KMT2D: variants seen among roughly 807,000 people sequenced by gnomAD.
KMT2D encodes the protein lysine methyltransferase 2D.
In KMT2D, 55 loss-of-function variants were observed where a neutral mutation model predicts 512.7. The ratio of observed to expected loss-of-function variants is 0.11; its 90% CI spans 0.09 to 0.13. KMT2D has a LOEUF of 0.13. Ranked by LOEUF, KMT2D falls within the 10% of genes least tolerant of loss-of-function variation. The pLI is 1.00. For missense variants in KMT2D, 6,061 were observed against 7,127.9 expected, an observed-to-expected ratio of 0.85 and a Z score of 5.39; for synonymous variants, 2,995 against 2,904.0, an observed-to-expected ratio of 1.03 and a Z score of -1.01.
intron 12 of KMT2D, 108 bp from the exon 13 acceptor site, chr12:49,049,326 A>G (rs1207473071): frequency 1.3e-5 from 9 of 711,702 alleles, no homozygotes; most frequent in Admixed American, 1.2e-4. Context: ...ACAGGTAATA[A>G]GCCCAGGAGT....
In KMT2D at chr12:49,051,793, A is replaced by C. The variant is rs1565819020; in HGVS notation, c.1890T>G (p.Pro630=). ...GTGGTGGGGACATAGGCGAGTCCTC[A>C]GGTGGTGGGGACAGGCGTGATGCCT... ...PPEASRLSPP[P]EDSPMSPPPE... The change falls in exon 11 of 55, where the codon CCT becomes CCG. Residue 630 remains proline (P), a synonymous_variant. Coordinates refer to ENST00000301067, the MANE Select transcript of KMT2D (RefSeq NM_003482.4). The C allele has an allele frequency of 6.2e-7, 1 of 1,610,548 alleles. No homozygotes were observed. The highest frequency in any genetic ancestry group is 2.2e-5 in the East Asian group (1 of 44,722).
rs2137714842 is a variant in KMT2D, at chr12:49,026,227, C to T, written c.15739G>A (p.Glu5247Lys). The change falls in exon 49 of 55, where the codon GAG (glutamate) becomes AAG (lysine). Residue 5247 changes from glutamate (E) to lysine (K), a missense_variant. Coordinates refer to ENST00000301067, the MANE Select transcript of KMT2D (RefSeq NM_003482.4). This position sits in a 1 kb window ranked among gnomAD's most constrained non-coding sequence, Gnocchi z 9.6. The part of the protein sequence containing the change: ...GRPEFVIKVI[E>K]QGLEDLVFTD... The stretch of plus-strand genomic sequence containing the variant: ...AAGACCAGGTCCTCCAGGCCCTGCT[C>T]GATGACTTTGATTACAAACTCCGGC... 1 of 1,600,562 alleles carries T rather than the reference C, an allele frequency of 6.2e-7. No homozygotes were observed. Among genetic ancestry groups the T allele is most frequent in the Non-Finnish European group, 8.6e-7 (1 of 1,169,106 alleles).
rs34813816 is a variant in KMT2D at position 49,019,891 on chromosome 12, TC to T, written c.*1888del. ...CCTAAAATCACAACAGCGACCAAGC[TC>T]CCCCTCCAGCAGGCCCGCCCGTCCA... On this transcript the variant is annotated 3_prime_UTR_variant, in exon 55 of 55. Transcript: ENST00000301067. 4.9e-6 allele frequency: 1 copy of T among 204,270 alleles called. No homozygotes were observed. Among genetic ancestry groups the T allele is most frequent in the Admixed American group, 6.6e-5 (1 of 15,118 alleles). 12.7% of individuals were successfully genotyped at this position (204,270 alleles called of 1,614,324 possible). A position where few individuals can be genotyped will look rare whatever the true frequency, so the allele number is the denominator to read the frequency against.
chr12:49,055,471 C>T (rs1938354941), intron 1 of KMT2D, 110 bp from the exon 2 acceptor site: 1 of 657,298 alleles, frequency 1.5e-6, no homozygotes, highest in African/African-American at 1.8e-5. Context: ...CAGAGCAAAG[C>T]CATACTACAA....
In KMT2D at chr12:49,050,520, T is replaced by C. The variant is rs376082557; in HGVS notation, c.3068A>G (p.Gln1023Arg). The C allele has an allele frequency of 6.2e-7, 1 of 1,609,722 alleles. No individual in the cohort carries two copies. ...GGAATGCTGAAGGAGTGGCGAACAC[T>C]GAGGAGGAAGGGGCTCCATCAGGAT... is the stretch of plus-strand genomic sequence containing the variant. ...SPILMEPLPP[Q>R]CSPLLQHSLV... The change falls in exon 12 of 55, where the codon CAG (glutamine) becomes CGG (arginine). Residue 1023 changes from glutamine (Q) to arginine (R), a missense_variant. Coordinates refer to ENST00000301067, the MANE Select transcript of KMT2D (RefSeq NM_003482.4).
rs955317854 is a variant in KMT2D, at chr12:49,044,069, G to A, written c.5189-71C>T. On this transcript the variant is annotated intron_variant, in intron 22 of 54. Coordinates refer to ENST00000301067, the MANE Select transcript of KMT2D (RefSeq NM_003482.4). This position sits in a 1 kb window ranked among gnomAD's most constrained non-coding sequence, Gnocchi z 6.4. Reference sequence around the variant, plus strand: ...CTCCCAACTTGCAGGGTGACACTTTGTGCCTACTCTCTCCCACAACACCAG... The same window carrying A: ...CTCCCAACTTGCAGGGTGACACTTTATGCCTACTCTCTCCCACAACACCAG... The A allele has an allele frequency of 5.0e-6, 8 of 1,602,852 alleles. No homozygotes were observed. The highest frequency in any genetic ancestry group is 1.3e-5 in the African/African-American group (1 of 74,704).
chr12:49,029,539 C>T, intron 43 of KMT2D, 63 bp from the exon 44 acceptor site: 3 of 1,263,134 alleles, frequency 2.4e-6, no homozygotes, highest in Non-Finnish European at 3.4e-6. Context: ...GGTACCTTCT[C>T]CCAATATTTT....
In KMT2D at chr12:49,032,182, G is replaced by A. The variant is rs766500530; in HGVS notation, c.12523C>T (p.Pro4175Ser). The part of the protein sequence containing the change: ...QNNTGPQPPK[P>S]GPVLQSGQGL... ...TGCCCAGACTGGAGGACAGGTCCTG[G>A]TTTGGGAGGTTGTGGCCCTGTATTA... Residue 4175 changes from proline to serine, a missense_variant, in exon 40 of 55, where the codon CCA becomes TCA. Physicochemically the swap from Pro to Ser is moderately conservative, Grantham distance 74. This residue lies in a region of KMT2D where 1,600 missense variants were observed against 1,754.9 expected (regional missense o/e 0.91). Coordinates refer to ENST00000301067, the MANE Select transcript of KMT2D (RefSeq NM_003482.4). 1.9e-6 allele frequency: 3 copies of A among 1,613,050 alleles called. No homozygotes were observed. The highest frequency in any genetic ancestry group is 2.5e-6 in the Non-Finnish European group (3 of 1,179,252).
Position 49,042,495 on chromosome 12 carries a change from G to C in KMT2D, c.5867+66C>G, listed in dbSNP as rs2120555617. ...GCTGCAGGAGTCCGAGGGAGGCAAA[G>C]CATGAACTCAGATGGAGGGAAAGGA... On this transcript the variant is annotated intron_variant, in intron 28 of 54. Coordinates refer to ENST00000301067, the MANE Select transcript of KMT2D (RefSeq NM_003482.4). This position sits in a 1 kb window ranked among gnomAD's most constrained non-coding sequence, Gnocchi z 4.4. The C allele has an allele frequency of 6.4e-7, 1 of 1,564,090 alleles. No individual in the cohort carries two copies. Among genetic ancestry groups the C allele is most frequent in the South Asian group, 1.1e-5 (1 of 87,530 alleles).
At chr12:49,047,822 A>G in intron 15 of KMT2D, 143 bp downstream of exon 15, 1 of 593,602 alleles carries the variant, frequency 1.7e-6, no homozygotes, top group Non-Finnish European at 3.1e-6. Flanking sequence ...CTTTTCCCCA[A>G]GAAAAGTTTG....
rs369597292 is a variant in KMT2D, at chr12:49,037,701, C to G, written c.9655G>C (p.Ala3219Pro). The G allele has an allele frequency of 6.3e-7, 1 of 1,586,306 alleles. No individual in the cohort carries two copies. Among genetic ancestry groups the G allele is most frequent in the Non-Finnish European group, 8.6e-7 (1 of 1,166,234 alleles). ...LLEKFELESGALTLPGGPAAS... is the reference protein window; with the variant it reads ...LLEKFELESGPLTLPGGPAAS... ...GCAGGTCCACCAGGCAAGGTCAAAG[C>G]CCCACTCTCGAGCTCAAACTTTTCC... Residue 3219 changes from alanine (A) to proline (P), a missense_variant, in exon 35 of 55, where the codon GCT becomes CCT. Transcript: ENST00000301067.
In KMT2D at chr12:49,025,894, G is replaced by C. The variant is rs11168827; in HGVS notation, c.15784+288C>G. On this transcript the variant is annotated intron_variant, in intron 49 of 54. Transcript: ENST00000301067. ...GGTTAGGATTAGGTTGGGTGAGGCA[G>C]ATGATAGTCTCAGAACTGTTTCCTT... is the stretch of plus-strand genomic sequence containing the variant. Among the ~76,000 whole-genome samples, 49,050 of 152,126 alleles carry C rather than the reference G, an allele frequency of 0.32. 8,636 individuals are homozygous for C. Among genetic ancestry groups the C allele is most frequent in the South Asian group, 0.45 (2,156 of 4,816 alleles).
In KMT2D at chr12:49,032,233, G is replaced by C. The variant is rs907708051; in HGVS notation, c.12472C>G (p.Pro4158Ala). The C allele has an allele frequency of 9.3e-6, 15 of 1,613,808 alleles. No individual in the cohort carries two copies. The highest frequency in any genetic ancestry group is 1.3e-5 in the Non-Finnish European group (15 of 1,179,776). Residue 4158 changes from proline to alanine, a missense_variant, in exon 40 of 55, where the codon CCC becomes GCC. Physicochemically the swap from Pro to Ala is conservative, Grantham distance 27. Coordinates refer to ENST00000301067, the MANE Select transcript of KMT2D (RefSeq NM_003482.4). Reference sequence around the variant, plus strand: ...TTTTGCATGGGCCGCTCTAGCATGGGCTGTTGGGGGCCCAGAAGGTTCTGG... The same window carrying C: ...TTTTGCATGGGCCGCTCTAGCATGGCCTGTTGGGGGCCCAGAAGGTTCTGG... ...MTQNLLGPQQPMLERPMQNNT... is the reference protein window; with the variant it reads ...MTQNLLGPQQAMLERPMQNNT...
chr12:49,049,603 G>A (rs1004729801), intron 12 of KMT2D, 79 bp downstream of exon 12: 1 of 1,424,592 alleles, frequency 7.0e-7, no homozygotes, highest in African/African-American at 1.4e-5. Context: ...AGCAAGGTGG[G>A]AAAGTATCAG....
intron 19 of KMT2D, 47 bp downstream of exon 19, chr12:49,045,873 G>T (rs2120595451): frequency 7.0e-7 from 1 of 1,427,564 alleles, no homozygotes; most frequent in Non-Finnish European, 9.9e-7. Flanking sequence ...ACTAGATGAT[G>T]TCCGACGTCT....
chr12:49,031,851 C>T lies in KMT2D; in HGVS notation c.12854G>A (p.Gly4285Asp). 3 of 1,545,794 alleles carry T rather than the reference C, an allele frequency of 1.9e-6. No individual in the cohort carries two copies. The highest frequency in any genetic ancestry group is 2.6e-6 in the Non-Finnish European group (3 of 1,146,544). ...QELGAGPRPQ[G>D]PPRLPAPPGA... ...TGGTGGGGCAGGGAGCCGGGGTGGG[C>T]CCTGAGGTCGAGGCCCTGCCCCTAG... is the stretch of plus-strand genomic sequence containing the variant. The change falls in exon 40 of 55, where the codon GGC becomes GAC. Residue 4285 changes from glycine to aspartate, a missense_variant. By Grantham distance (94) the Gly-to-Asp change is moderately conservative (BLOSUM62 -1). Transcript: ENST00000301067.
chr12:49,032,286 G>C lies in KMT2D; in HGVS notation c.12419C>G (p.Ser4140Cys), dbSNP rs2120430038. 4 of 1,613,942 alleles carry C rather than the reference G, an allele frequency of 2.5e-6. No individual in the cohort carries two copies. Among genetic ancestry groups the C allele is most frequent in the Non-Finnish European group, 3.4e-6 (4 of 1,179,860 alleles). Reference sequence around the variant, plus strand: ...CATGGACCCAGGCTGATCCCCTAAGGAAACAGAGGGCTGAGCCAGCAGGTG... The same window carrying C: ...CATGGACCCAGGCTGATCCCCTAAGCAAACAGAGGGCTGAGCCAGCAGGTG... ...VPHLLAQPSV[S>C]LGDQPGSMTQ... is the part of the protein sequence containing the mutation. The change falls in exon 40 of 55, where the codon TCC (serine) becomes TGC (cysteine). Residue 4140 changes from serine (S) to cysteine (C), a missense_variant. By Grantham distance (112) the Ser-to-Cys change is moderately radical. Transcript: ENST00000301067.
At position 49,031,222 on chromosome 12, in the gene KMT2D, G is replaced by C. The variant is rs762711533; in HGVS notation, c.13483C>G (p.Leu4495Val). Residue 4495 changes from leucine to valine, a missense_variant, in exon 40 of 55, where the codon CTG becomes GTG. Physicochemically the swap from Leu to Val is conservative, Grantham distance 32. Around this residue, in one of 16 missense-constraint regions of KMT2D, gnomAD observed 1,600 missense variants for 1,754.9 expected, o/e 0.91. Transcript: ENST00000301067. ...TGTAGTTTCTGCTCCAGCCCAGCCAGCTTGCTGTCAATGTGCCCGTTGATC... is the reference window on the plus strand; with the variant it reads ...TGTAGTTTCTGCTCCAGCCCAGCCACCTTGCTGTCAATGTGCCCGTTGATC... ...AEINGHIDSK[L>V]AGLEQKLQGT... 5 of 1,612,354 alleles carry C rather than the reference G, an allele frequency of 3.1e-6. No individual in the cohort carries two copies. In the South Asian group the frequency reaches 5.5e-5, roughly 18 times the overall value.
Position 49,032,308 on chromosome 12 carries a change from G to A in KMT2D, c.12397C>T (p.Leu4133=). 6.2e-7 allele frequency: 1 copy of A among 1,613,926 alleles called. No individual in the cohort carries two copies. The highest frequency in any genetic ancestry group is 8.5e-7 in the Non-Finnish European group (1 of 1,179,846). ...SSSEASSVPH[L]LAQPSVSLGD... ...AAGGAAACAGAGGGCTGAGCCAGCA[G>A]GTGGGGCACAGATGAGGCCTCAGAA... Residue 4133 remains leucine, a synonymous_variant, in exon 40 of 55, where the codon CTG becomes TTG. Coordinates refer to ENST00000301067, the MANE Select transcript of KMT2D (RefSeq NM_003482.4).
Sources: gnomAD v4.1 joint callset for allele counts (sites outside exome capture counted in the v4.1 genomes callset) on GRCh38, gnomAD v4.1.1 for gene constraint, gnomAD v4.1.1 regional missense constraint, Gnocchi (gnomAD v3.1) non-coding constraint, MANE v1.5 for transcripts, NCBI Gene and HGNC (gene_info 2026-07-23, HGNC 2026-07-21) for gene names.